PDE7A: variants seen among roughly 807,000 people sequenced by gnomAD.
PDE7A encodes the protein high affinity 3',5'-cyclic-AMP phosphodiesterase 7A.
In PDE7A, 39 loss-of-function variants were observed where a neutral mutation model predicts 64.3. The observed-to-expected ratio is 0.61, with a 90% CI of 0.47 to 0.79. PDE7A has a LOEUF of 0.79. Ranked by LOEUF, PDE7A falls within the 30% of genes least tolerant of loss-of-function variation. The pLI is 0.00. For missense variants in PDE7A, 470 were observed against 582.8 expected, an observed-to-expected ratio of 0.81 and a Z score of 1.99; for synonymous variants, 203 against 206.8, an observed-to-expected ratio of 0.98 and a Z score of 0.16.
Position 65,779,517 on chromosome 8 carries a change from T to C in PDE7A, c.283+203A>G, listed in dbSNP as rs1220760141. ...GAGAAAAGCTATATCAACTTTCATA[T>C]TTTAGTATCTTCCTCTTCTAATTGT... On this transcript the variant is annotated intron_variant, in intron 3 of 12. Coordinates refer to ENST00000401827, the MANE Select transcript of PDE7A (RefSeq NM_001242318.3). Among the ~76,000 whole-genome samples the C allele has an allele frequency of 2.6e-5, 4 of 152,354 alleles. No individual in the cohort carries two copies. In the East Asian group the frequency reaches 5.8e-4, roughly 22 times the overall value.
At chr8:65,831,090 T>C (rs947536383) in intron 1 of PDE7A, among the ~76,000 whole-genome samples, 1 of 152,098 alleles carries the variant, frequency 6.6e-6, no homozygotes, top group Non-Finnish European at 1.5e-5. Context: ...ATATTAAAAC[T>C]TAGATGAAAA....
intron 4 of PDE7A, 139 bp downstream of exon 4, chr8:65,747,513 A>G: frequency 2.0e-6 from 1 of 496,074 alleles, no homozygotes. Context: ...GCTGCTCTAA[A>G]GAAAAAAACC....
intron 4 of PDE7A, 60 bp downstream of exon 4, chr8:65,747,592 A>C: frequency 5.9e-6 from 6 of 1,020,376 alleles, no homozygotes; most frequent in South Asian, 3.1e-5. Flanking sequence ...TGTATGGGGA[A>C]TAAAGGCCTT....
chr8:65,780,590 C>T (rs986561566), intron 2 of PDE7A, among the ~76,000 whole-genome samples: 1 of 152,078 alleles, frequency 6.6e-6, no homozygotes, highest in Non-Finnish European at 1.5e-5. Context: ...CTTCTCTCAT[C>T]GACCCTCAGA....
At chr8:65,830,496 A>G (rs1810791399) in intron 1 of PDE7A, among the ~76,000 whole-genome samples, 1 of 152,108 alleles carries the variant, frequency 6.6e-6, no homozygotes, top group Non-Finnish European at 1.5e-5. Flanking sequence ...TATTAAAGTA[A>G]AAAAGGAACA....
intron 6 of PDE7A, 143 bp from the exon 7 acceptor site, chr8:65,735,037 A>T (rs1267912103): frequency 6.5e-6 from 4 of 620,122 alleles, no homozygotes; most frequent in Non-Finnish European, 1.2e-5. Context: ...GATGATAATC[A>T]CCTCACAACT....
chr8:65,819,481 C>A (rs1187080068), intron 1 of PDE7A, among the ~76,000 whole-genome samples: 1 of 152,126 alleles, frequency 6.6e-6, no homozygotes, highest in East Asian at 1.9e-4. Context: ...TCTATAAAAA[C>A]CATCCTTAAA....
chr8:65,762,935 G>C (rs547172051), intron 3 of PDE7A, among the ~76,000 whole-genome samples: 2,326 of 151,766 alleles, frequency 0.015, 27 homozygotes, highest in Admixed American at 0.024. Context: ...CCAGGAGTTC[G>C]AGACCAGCCT....
intron 1 of PDE7A, among the ~76,000 whole-genome samples, chr8:65,837,340 A>G (rs1810971291): frequency 6.6e-6 from 1 of 152,238 alleles, no homozygotes; most frequent in South Asian, 2.1e-4. Flanking sequence ...AGCAGCAACA[A>G]AAAATTACTA....
intron 7 of PDE7A, among the ~76,000 whole-genome samples, chr8:65,729,604 C>T (rs1219789890): frequency 6.6e-6 from 1 of 152,016 alleles, no homozygotes; most frequent in Non-Finnish European, 1.5e-5. Flanking sequence ...CTTGCTGATG[C>T]CCAGCCTGGA....
Sources: gnomAD v4.1 joint callset for allele counts (sites outside exome capture counted in the v4.1 genomes callset) on GRCh38, gnomAD v4.1.1 for gene constraint, MANE v1.5 for transcripts, NCBI Gene and HGNC (gene_info 2026-07-23, HGNC 2026-07-21) for gene names.